Variants in NAV1 observed in about 807,000 individuals in gnomAD.
The protein encoded by NAV1 is pore membrane and/or filament interacting like protein 3.
In NAV1, 18 loss-of-function variants were observed where a neutral mutation model predicts 175.2. The observed-to-expected ratio is 0.10, with a 90% CI of 0.07 to 0.15. The LOEUF (loss-of-function observed/expected upper bound fraction) is 0.15. NAV1 is among the 10% of genes least tolerant of loss of function. NAV1 has a pLI of 1.00. For missense variants in NAV1, 1,731 were observed against 2,436.6 expected (o/e 0.71, Z 6.10); for synonymous variants, 897 against 978.7 (o/e 0.92, Z 1.56).
intron 2 of NAV1, among the ~76,000 whole-genome samples, chr1:201,595,453 A>C (rs910468213): frequency 3.9e-5 from 6 of 152,202 alleles, no homozygotes; most frequent in African/African-American, 1.4e-4. Flanking sequence ...CTCAGTGGCT[A>C]TCCTTTCTTC....
intron 3 of NAV1, among the ~76,000 whole-genome samples, chr1:201,753,577 T>G (rs1439840357): frequency 6.6e-6 from 1 of 152,226 alleles, no homozygotes; most frequent in Non-Finnish European, 1.5e-5. Flanking sequence ...AGAATGACAG[T>G]GCTCAACTCA....
Position 201,813,136 on chromosome 1 carries a change from C to A in NAV1, c.5222-4C>A. On this transcript the variant is annotated splice_polypyrimidine_tract_variant and splice_region_variant and intron_variant, in intron 27 of 29. Coordinates refer to ENST00000367296, the Ensembl canonical transcript of NAV1. This position sits in a 1 kb window ranked among gnomAD's most constrained non-coding sequence, Gnocchi z 4.2. ...CATCTTCATGGCCCCATCCTCTTCCCTAGGCCCTTGCTTCTTTCTGTCGTG... is the reference window on the plus strand; with the variant it reads ...CATCTTCATGGCCCCATCCTCTTCCATAGGCCCTTGCTTCTTTCTGTCGTG... 6.2e-7 allele frequency: 1 copy of A among 1,610,826 alleles called. No individual in the cohort carries two copies. The highest frequency in any genetic ancestry group is 8.5e-7 in the Non-Finnish European group (1 of 1,177,142).
chr1:201,620,177 A>T (rs1235060114), upstream of NAV1, among the ~76,000 whole-genome samples: 1 of 152,232 alleles, frequency 6.6e-6, no homozygotes, highest in Admixed American at 6.5e-5. Context: ...AAAGGTCAGC[A>T]ACAGCCATAA....
At chr1:201,577,472 ATTT>A (rs36112197) in intron 1 of NAV1, among the ~76,000 whole-genome samples, 1 of 97,910 alleles carries the variant, frequency 1.0e-5, no homozygotes, top group Non-Finnish European at 2.1e-5. Flanking sequence ...TGAGACTTAG[ATTT>A]TTTTTTTTTT....
chr1:201,583,313 G>T (rs12133572), intron 1 of NAV1, among the ~76,000 whole-genome samples: 5,072 of 152,368 alleles, frequency 0.033, 118 homozygotes, highest in Middle Eastern at 0.058. Context: ...GGCTCATCAG[G>T]CCCTGTACCC....
intron 1 of NAV1, among the ~76,000 whole-genome samples, chr1:201,674,853 A>G (rs921932370): frequency 6.6e-6 from 1 of 152,130 alleles, no homozygotes; most frequent in Non-Finnish European, 1.5e-5. Context: ...CCTGGCCAAC[A>G]TGGTGAAACC....
intron 1 of NAV1, among the ~76,000 whole-genome samples, chr1:201,676,966 G>C (rs966112317): frequency 6.6e-6 from 1 of 152,096 alleles, no homozygotes; most frequent in Non-Finnish European, 1.5e-5. Context: ...AATTACTGGG[G>C]TCTGGTTGGG....
At chr1:201,701,431 A>T (rs1192604471) in intron 1 of NAV1, among the ~76,000 whole-genome samples, 3 of 152,018 alleles carry the variant, frequency 2.0e-5, no homozygotes, top group African/African-American at 4.8e-5. Flanking sequence ...TAAAAAAAGA[A>T]AAAGAAAAAG....
intron 2 of NAV1, among the ~76,000 whole-genome samples, chr1:201,610,688 G>T (rs775520827): frequency 6.6e-5 from 10 of 152,192 alleles, no homozygotes; most frequent in Non-Finnish European, 1.2e-4. Flanking sequence ...CTCTGGGAAT[G>T]CCAAGTCTGG....
At chr1:201,570,904 G>A (rs1297834050) in intron 1 of NAV1, among the ~76,000 whole-genome samples, 1 of 152,228 alleles carries the variant, frequency 6.6e-6, no homozygotes, top group Non-Finnish European at 1.5e-5. Context: ...CCTCTGCTCT[G>A]CCGCTGACCC....
intron 3 of NAV1, among the ~76,000 whole-genome samples, chr1:201,764,881 G>A (rs778679667): frequency 2.6e-5 from 4 of 152,212 alleles, no homozygotes; most frequent in Non-Finnish European, 5.9e-5. Context: ...GCAAGATGGC[G>A]TCTGTGAAGA....
At chr1:201,816,349 C>A (rs1381322690) in intron 28 of NAV1, among the ~76,000 whole-genome samples, 2 of 152,008 alleles carry the variant, frequency 1.3e-5, no homozygotes, top group Non-Finnish European at 2.9e-5. Context: ...CCAGCCTGGG[C>A]AACAAGAGCG....
At chr1:201,726,253 T>A (rs1309911978) in intron 3 of NAV1, among the ~76,000 whole-genome samples, 1 of 152,194 alleles carries the variant, frequency 6.6e-6, no homozygotes, top group Non-Finnish European at 1.5e-5. Flanking sequence ...CTTAGTTTGT[T>A]CATTTGTAAA....
At position 201,807,006 on chromosome 1, in the gene NAV1, C is replaced by T. The variant is rs976754259; in HGVS notation, c.3649-947C>T. On this transcript the variant is annotated intron_variant, in intron 17 of 29. Coordinates refer to ENST00000367296, the Ensembl canonical transcript of NAV1. This position sits in a 1 kb window ranked among gnomAD's most constrained non-coding sequence, Gnocchi z 5.4. The stretch of plus-strand genomic sequence containing the variant: ...CTTTGACCCCTCCTTTACTCTCTGC[C>T]TCTTGCTGCCATTTCATATCTGTGT... Among the ~76,000 whole-genome samples the T allele has an allele frequency of 3.3e-5, 5 of 152,036 alleles. No individual in the cohort carries two copies. The highest frequency in any genetic ancestry group is 6.6e-5 in the Admixed American group (1 of 15,256).
At chr1:201,644,614 C>T (rs927902135), upstream of NAV1, among the ~76,000 whole-genome samples, 14 of 152,174 alleles carry the variant, frequency 9.2e-5, no homozygotes, top group African/African-American at 3.4e-4. Context: ...ACTGAATTAA[C>T]CCATGAGATG....
chr1:201,625,964 C>T (rs1380961880), intron 1 of NAV1, among the ~76,000 whole-genome samples: 2 of 152,250 alleles, frequency 1.3e-5, no homozygotes, highest in Non-Finnish European at 2.9e-5. Context: ...CACCCTACCT[C>T]CTAGACCCTG....
At chr1:201,739,819 C>A (rs1673285565) in intron 3 of NAV1, 1 of 1,234,976 alleles carries the variant, frequency 8.1e-7, no homozygotes, top group Admixed American at 4.2e-5. Context: ...AAATGGGGCT[C>A]TGTCACTTTA....
At chr1:201,691,987 T>C (rs1480296481) in intron 1 of NAV1, among the ~76,000 whole-genome samples, 1 of 152,232 alleles carries the variant, frequency 6.6e-6, no homozygotes, top group Non-Finnish European at 1.5e-5. Flanking sequence ...TAGCCTCTCT[T>C]GGTCATTCTT....
At chr1:201,616,849 T>C (rs1668017394) in intron 2 of NAV1, among the ~76,000 whole-genome samples, 1 of 152,172 alleles carries the variant, frequency 6.6e-6, no homozygotes, top group African/African-American at 2.4e-5. Context: ...TGTGCATGTG[T>C]TTCTTCCCCA....
Sources: gnomAD v4.1 joint callset for allele counts (sites outside exome capture counted in the v4.1 genomes callset) on GRCh38, gnomAD v4.1.1 for gene constraint, Gnocchi (gnomAD v3.1) non-coding constraint, MANE v1.5 for transcripts, NCBI Gene and HGNC (gene_info 2026-07-23, HGNC 2026-07-21) for gene names.